The following ARAP2 variants were observed in gnomAD, a reference collection of about 807,000 sequenced individuals.
ARAP2 encodes the protein ArfGAP with RhoGAP domain, ankyrin repeat and PH domain 2.
ARAP2 carries 148 observed loss-of-function variants against 194.5 expected under a neutral mutation model. The observed-to-expected ratio is 0.76, with a 90% CI of 0.67 to 0.87. The LOEUF (loss-of-function observed/expected upper bound fraction) is 0.87. Ranked by LOEUF, ARAP2 falls within the 40% of genes least tolerant of loss-of-function variation. ARAP2 has a pLI of 0.00. For synonymous variants in ARAP2, 695 were observed against 683.5 expected (o/e 1.02, Z -0.26); for missense variants, 2,128 against 1,989.7 (o/e 1.07, Z -1.32).
intron 2 of ARAP2, among the ~76,000 whole-genome samples, chr4:36,227,734 C>A (rs980666762): frequency 1.3e-5 from 2 of 152,078 alleles, no homozygotes; most frequent in African/African-American, 4.8e-5. Context: ...TGAACAGCCT[C>A]GTGTCTCAGC....
intron 26 of ARAP2, among the ~76,000 whole-genome samples, chr4:36,112,239 C>G (rs910628903): frequency 6.6e-6 from 1 of 151,844 alleles, no homozygotes; most frequent in African/African-American, 2.4e-5. Flanking sequence ...AATATAAAGC[C>G]TGAAATACAC....
At chr4:36,211,728 G>C (rs1296750709) in intron 5 of ARAP2, among the ~76,000 whole-genome samples, 1 of 152,072 alleles carries the variant, frequency 6.6e-6, no homozygotes, top group Non-Finnish European at 1.5e-5. Flanking sequence ...ATACAAAAGA[G>C]GAATGCTTTG....
intron 9 of ARAP2, among the ~76,000 whole-genome samples, chr4:36,171,410 T>C (rs1390054485): frequency 6.6e-6 from 1 of 151,692 alleles, no homozygotes; most frequent in Non-Finnish European, 1.5e-5. Flanking sequence ...CTCAGCAAAC[T>C]ATCGCAAGGA....
At chr4:36,132,196 T>C (rs969175554) in intron 20 of ARAP2, among the ~76,000 whole-genome samples, 1 of 151,720 alleles carries the variant, frequency 6.6e-6, no homozygotes, top group Non-Finnish European at 1.5e-5. Context: ...TTCATAGCTT[T>C]GTCTTGAACT....
rs193169661 is a variant in ARAP2 at position 36,229,044 on chromosome 4, G to T, written c.443C>A (p.Pro148His). The change falls in exon 2 of 33, where the codon CCT becomes CAT. Residue 148 changes from proline to histidine, a missense_variant. By Grantham distance (77) the Pro-to-His change is moderately conservative (BLOSUM62 -2). Transcript: ENST00000303965. ...QYPQSDDKLS[P>H]PKRDFPTAEE... The stretch of plus-strand genomic sequence containing the variant: ...TGCAGTGGGGAAGTCGCGTTTAGGA[G>T]GAGACAGCTTATCATCTGATTGAGG... 1 of 1,614,110 alleles carries T rather than the reference G, an allele frequency of 6.2e-7. No individual in the cohort carries two copies. The highest frequency in any genetic ancestry group is 2.2e-5 in the East Asian group (1 of 44,882).
chr4:36,082,236 C>G lies in ARAP2; in HGVS notation c.4544+15G>C, dbSNP rs535068638. On this transcript the variant is annotated intron_variant, in intron 30 of 32. Coordinates refer to ENST00000303965, the MANE Select transcript of ARAP2 (RefSeq NM_015230.4). ...CCAATATATTATGTCCAAAAGTTGT[C>G]AGCTGTTAACTTACCAGTGATGTTT... The G allele has an allele frequency of 1.9e-6, 3 of 1,607,806 alleles. No homozygotes were observed. Among genetic ancestry groups the G allele is most frequent in the Non-Finnish European group, 2.5e-6 (3 of 1,176,906 alleles).
At chr4:36,050,094 GC>G (rs1722422564) in intron 3 of ARAP2, among the ~76,000 whole-genome samples, 1 of 152,124 alleles carries the variant, frequency 6.6e-6, no homozygotes. Flanking sequence ...TGGTTTTCAT[GC>G]CTAGGAAGGA....
intron 5 of ARAP2, among the ~76,000 whole-genome samples, chr4:36,026,137 A>C (rs1339487966): frequency 6.6e-6 from 1 of 152,228 alleles, no homozygotes; most frequent in Non-Finnish European, 1.5e-5. Context: ...TCCAATAAAT[A>C]CATAAATCAA....
chr4:36,104,262 A>T (rs1717794786), intron 27 of ARAP2, among the ~76,000 whole-genome samples: 1 of 152,000 alleles, frequency 6.6e-6, no homozygotes. Flanking sequence ...AATTCTTAAG[A>T]AAGGAAAATA....
intron 19 of ARAP2, among the ~76,000 whole-genome samples, chr4:36,139,617 G>T (rs1727740896): frequency 6.6e-6 from 1 of 151,512 alleles, no homozygotes; most frequent in African/African-American, 2.4e-5. Context: ...AAGTTTAGAG[G>T]ATGGATTTTA....
At chr4:36,072,151 A>G (rs1727138535) in intron 32 of ARAP2, among the ~76,000 whole-genome samples, 1 of 152,060 alleles carries the variant, frequency 6.6e-6, no homozygotes, top group Non-Finnish European at 1.5e-5. Context: ...AAGTTTCATT[A>G]TGTTTTTCCA....
chr4:36,231,809 A>G (rs1157483646), intron 1 of ARAP2, among the ~76,000 whole-genome samples: 1 of 152,164 alleles, frequency 6.6e-6, no homozygotes, highest in African/African-American at 2.4e-5. Context: ...GAATGAGGTG[A>G]CCTACCGATT....
chr4:36,058,818 T>C (rs995434576), intron 1 of ARAP2, among the ~76,000 whole-genome samples: 1 of 152,022 alleles, frequency 6.6e-6, no homozygotes, highest in Non-Finnish European at 1.5e-5. Flanking sequence ...TATATACTAA[T>C]AAATATGTCA....
intron 8 of ARAP2, among the ~76,000 whole-genome samples, chr4:36,186,155 C>A (rs1035023707): frequency 6.6e-6 from 1 of 152,210 alleles, no homozygotes; most frequent in South Asian, 2.1e-4. Flanking sequence ...AATTATATAT[C>A]TATTCCTAAA....
chr4:36,071,561 G>C (rs916377564), intron 32 of ARAP2, among the ~76,000 whole-genome samples: 1 of 152,060 alleles, frequency 6.6e-6, no homozygotes, highest in Non-Finnish European at 1.5e-5. Flanking sequence ...CTGAATGAAA[G>C]CCAGGCTTAG....
chr4:36,210,778 C>T (rs780246967), intron 5 of ARAP2, 35 bp from the exon 6 acceptor site: 8 of 1,424,872 alleles, frequency 5.6e-6, no homozygotes, highest in South Asian at 4.1e-5. Context: ...TTTCAAAGTG[C>T]TATATGTGAT....
At chr4:36,086,856 C>T (rs924279065) in intron 28 of ARAP2, among the ~76,000 whole-genome samples, 3 of 152,084 alleles carry the variant, frequency 2.0e-5, no homozygotes, top group African/African-American at 4.8e-5. Context: ...TGAAACCTCT[C>T]CCCTTTTATG....
intron 19 of ARAP2, among the ~76,000 whole-genome samples, chr4:36,134,664 T>C (rs1375419894): frequency 1.3e-5 from 2 of 151,558 alleles, no homozygotes; most frequent in African/African-American, 2.4e-5. Context: ...ATCTAGCCTA[T>C]ATTTTTACCT....
chr4:36,181,817 A>G (rs1739330801), intron 8 of ARAP2, among the ~76,000 whole-genome samples: 1 of 152,214 alleles, frequency 6.6e-6, no homozygotes, highest in Admixed American at 6.5e-5. Flanking sequence ...AGGCCATAAA[A>G]ACTTAAATAT....
Sources: allele counts gnomAD v4.1 joint callset (sites outside exome capture counted in the v4.1 genomes callset), GRCh38; gene constraint gnomAD v4.1.1; transcripts MANE v1.5; gene names NCBI Gene and HGNC (gene_info 2026-07-23, HGNC 2026-07-21).